COMP: variants seen among roughly 807,000 people sequenced by gnomAD.
COMP encodes the protein cartilage oligomeric matrix protein.
In COMP, 79 loss-of-function variants were observed where a neutral mutation model predicts 95.8. That is an observed-to-expected ratio of 0.82 (90% CI 0.69 to 0.99). The LOEUF is 0.99. Among genes scored for constraint, COMP ranks in the 50% least tolerant of loss-of-function variants. COMP has a pLI of 0.00. For missense variants in COMP, 906 were observed against 1,076.1 expected (o/e 0.84, Z 2.21); for synonymous variants, 438 against 433.9 (o/e 1.01, Z -0.12).
intron 10 of COMP, 41 bp from the exon 11 acceptor site, chr19:18,786,691 A>T (rs757051045): frequency 1.3e-6 from 2 of 1,491,612 alleles, no homozygotes; most frequent in East Asian, 5.0e-5. Context: ...GATTGGGACC[A>T]GGCCAGAATG....
chr19:18,786,385 C>A, intron 11 of COMP, 94 bp from the exon 12 acceptor site: 2 of 1,576,168 alleles, frequency 1.3e-6, no homozygotes, highest in Non-Finnish European at 1.7e-6. Flanking sequence ...TCCTCCTGAC[C>A]CCAAGGAAAC....
Position 18,785,112 on chromosome 19 carries a change from A to C in COMP, c.1718-20T>G, listed in dbSNP as rs764637699. ...TGTAACCTAGGGATGGAAAGAGAGCAGTGGCCTTTCCGAACGCCAGCCCCA... is the reference window on the plus strand; with the variant it reads ...TGTAACCTAGGGATGGAAAGAGAGCCGTGGCCTTTCCGAACGCCAGCCCCA... On this transcript the variant is annotated intron_variant, in intron 15 of 18. Coordinates refer to ENST00000222271, the MANE Select transcript of COMP (RefSeq NM_000095.3). 1.9e-6 allele frequency: 3 copies of C among 1,612,680 alleles called. No homozygotes were observed. The South Asian group carries it at 3.3e-5, about 18-fold the overall frequency.
At chr19:18,787,722 TCTC>T in intron 9 of COMP, 72 bp from the exon 10 acceptor site, 1 of 1,595,552 alleles carries the variant, frequency 6.3e-7, no homozygotes, top group Non-Finnish European at 8.5e-7. Context: ...GATTCCCAAA[TCTC>T]CGAGGACGCG....
intron 3 of COMP, 77 bp from the exon 4 acceptor site, chr19:18,790,191 C>T: frequency 8.4e-7 from 1 of 1,188,152 alleles, no homozygotes; most frequent in Non-Finnish European, 1.2e-6. Flanking sequence ...TGGCCACGCC[C>T]CGGGGCTGGA....
intron 1 of COMP, 116 bp downstream of exon 1, chr19:18,791,075 G>T: frequency 6.7e-7 from 1 of 1,499,194 alleles, no homozygotes; most frequent in Non-Finnish European, 9.0e-7. Flanking sequence ...TTCTGCGCCC[G>T]GCACGTCCCC....
At chr19:18,787,439 G>A (rs371522589) in intron 10 of COMP, 52 bp downstream of exon 10, 6 of 1,592,772 alleles carry the variant, frequency 3.8e-6, no homozygotes, top group Admixed American at 1.7e-5. Flanking sequence ...GCCGAATCCC[G>A]CCCTTCGGTG....
At chr19:18,787,438 C>A in intron 10 of COMP, 53 bp downstream of exon 10, 1 of 1,602,160 alleles carries the variant, frequency 6.2e-7, no homozygotes, top group East Asian at 2.2e-5. Flanking sequence ...AGCCGAATCC[C>A]GCCCTTCGGT....
At position 18,786,541 on chromosome 19, in the gene COMP, G is replaced by A; in HGVS notation, c.1245C>T (p.Asn415=). The A allele has an allele frequency of 1.9e-6, 3 of 1,613,918 alleles. No homozygotes were observed. In the South Asian group the frequency reaches 3.3e-5, roughly 18 times the overall value. Residue 415 remains asparagine, a synonymous_variant, in exon 11 of 19, where the codon AAC becomes AAT. Transcript: ENST00000222271. The stretch of plus-strand genomic sequence containing the variant: ...TCTGGCCTGCCCTCACCTGATCCGG[G>A]TTGCTCTTCTGGGGACAGTTGTCAC... The part of the protein sequence containing the change: ...DACDNCPQKS[N]PDQADVDHDF...
chr19:18,789,895 G>A lies in COMP; in HGVS notation c.390+47C>T, dbSNP rs776727933. The A allele has an allele frequency of 3.2e-6, 5 of 1,586,882 alleles. No homozygotes were observed. The highest frequency in any genetic ancestry group is 2.7e-5 in the African/African-American group (2 of 74,658). ...CTCCCGGGCGGCGAGAGATTGGGGG[G>A]CGGTAGAGGGAGTCGTCAGGGCGGT... On this transcript the variant is annotated intron_variant, in intron 4 of 18. Transcript: ENST00000222271. This position sits in a 1 kb window ranked among gnomAD's most constrained non-coding sequence, Gnocchi z 6.1.
Position 18,789,045 on chromosome 19 carries a change from C to T in COMP, c.528+115G>A. 2 of 1,534,132 alleles carry T rather than the reference C, an allele frequency of 1.3e-6. No individual in the cohort carries two copies. The highest frequency in any genetic ancestry group is 1.8e-6 in the Non-Finnish European group (2 of 1,129,942). ...AACCGATCAGCCCTGGCGCAGCGGA[C>T]CCCTCCTCTCCCCACCCCTCCCGCT... On this transcript the variant is annotated intron_variant, in intron 5 of 18. Transcript: ENST00000222271. The surrounding 1 kb of genome is among the most constrained non-coding windows in gnomAD (Gnocchi z 6.1).
In COMP at chr19:18,783,157, G is replaced by C. The variant is rs1346270459; in HGVS notation, c.2124C>G (p.Asp708Glu). The C allele has an allele frequency of 6.2e-7, 1 of 1,609,902 alleles. No homozygotes were observed. Among genetic ancestry groups the C allele is most frequent in the African/African-American group, 1.3e-5 (1 of 74,944 alleles). Residue 708 changes from aspartate (D) to glutamate (E), a missense_variant, in exon 18 of 19, where the codon GAC (aspartate) becomes GAG (glutamate). Transcript: ENST00000222271. ...RFYEGPELVA[D>E]SNVVLDTTMR... The stretch of plus-strand genomic sequence containing the variant: ...TGGTTGTGTCCAAGACCACGTTGCT[G>C]TCGGCCACCAGCTCAGGGCCCTCAT...
At position 18,784,125 on chromosome 19, in the gene COMP, C is replaced by G; in HGVS notation, c.2087+66G>C. On this transcript the variant is annotated intron_variant, in intron 17 of 18. Coordinates refer to ENST00000222271, the MANE Select transcript of COMP (RefSeq NM_000095.3). This position sits in a 1 kb window ranked among gnomAD's most constrained non-coding sequence, Gnocchi z 4.9. ...CCAGGGTCACACAGCCCCTGCCTGG[C>G]CAGGGCACTCCCACCTGGGCCTGTG... 6.4e-7 allele frequency: 1 copy of G among 1,572,344 alleles called. No individual in the cohort carries two copies. Among genetic ancestry groups the G allele is most frequent in the Non-Finnish European group, 8.7e-7 (1 of 1,144,466 alleles).
rs1253516780 is a variant in COMP at position 18,784,804 on chromosome 19, G to A, written c.1914+92C>T. The A allele has an allele frequency of 7.0e-7, 1 of 1,423,140 alleles. No homozygotes were observed. The highest frequency in any genetic ancestry group is 1.7e-5 in the Admixed American group (1 of 59,158). The allele number at this position is 1,423,140 out of a possible 1,614,324, so 88.2% of individuals were successfully genotyped here. On this transcript the variant is annotated intron_variant, in intron 16 of 18. Transcript: ENST00000222271. The surrounding 1 kb of genome is among the most constrained non-coding windows in gnomAD (Gnocchi z 4.9). ...TGAGGTCCATAGTATGAGGCTAGGG[G>A]GCTGGGGGGCTCTAAGGGCTGTAAA...
Position 18,790,035 on chromosome 19 carries a change from G to T in COMP, c.297C>A (p.Gly99=), listed in dbSNP as rs1158860072. ...CGCTCTCCGTCTGGATGCAGGCCACGCCGGGGAAGCAGAAGCCGGGCGCGC... is the reference window on the plus strand; with the variant it reads ...CGCTCTCCGTCTGGATGCAGGCCACTCCGGGGAAGCAGAAGCCGGGCGCGC... ...LHCAPGFCFP[G]VACIQTESGA... The change falls in exon 4 of 19, where the codon GGC becomes GGA. Residue 99 remains glycine, a synonymous_variant. Coordinates refer to ENST00000222271, the MANE Select transcript of COMP (RefSeq NM_000095.3). 4 of 1,572,722 alleles carry T rather than the reference G, an allele frequency of 2.5e-6. No individual in the cohort carries two copies. Among genetic ancestry groups the T allele is most frequent in the Admixed American group, 3.7e-5 (2 of 54,568 alleles).
chr19:18,790,692 C>G, intron 2 of COMP, 79 bp from the exon 3 acceptor site: 1 of 1,612,674 alleles, frequency 6.2e-7, no homozygotes, highest in Non-Finnish European at 8.5e-7. Context: ...CCCCGGGGTC[C>G]CTTTCTACAG....
chr19:18,789,567 G>A lies in COMP; in HGVS notation c.391-270C>T, dbSNP rs928923269. 6.6e-6 allele frequency among the ~76,000 whole-genome samples: 1 copy of A among 152,004 alleles called. No individual in the cohort carries two copies. The highest frequency in any genetic ancestry group is 6.6e-5 in the Admixed American group (1 of 15,262). ...CCAGCAGAGGGGGGCAGGGGTCGTC[G>A]GGGCGTGCGTGCCCGGCGGTGGCGG... is the stretch of plus-strand genomic sequence containing the variant. On this transcript the variant is annotated intron_variant, in intron 4 of 18. Coordinates refer to ENST00000222271, the MANE Select transcript of COMP (RefSeq NM_000095.3). The surrounding 1 kb of genome is among the most constrained non-coding windows in gnomAD (Gnocchi z 6.1).
rs2055176366 is a variant in COMP, at chr19:18,787,570, C to A, written c.1056G>T (p.Arg352=). ...CCTTTTGGTCGTCGTTCTTCTGGGA[C>A]CGGCAGTTGTCGCACGCATCGCCCC... ...DKWGDACDNC[R]SQKNDDQKDT... is the part of the protein sequence containing the mutation. Residue 352 remains arginine (R), a synonymous_variant, in exon 10 of 19, where the codon CGG becomes CGT. Coordinates refer to ENST00000222271, the MANE Select transcript of COMP (RefSeq NM_000095.3). The A allele has an allele frequency of 6.2e-7, 1 of 1,614,052 alleles. No individual in the cohort carries two copies. The highest frequency in any genetic ancestry group is 2.2e-5 in the East Asian group (1 of 44,872).
intron 3 of COMP, 109 bp from the exon 4 acceptor site, chr19:18,790,223 C>A: frequency 1.2e-6 from 1 of 865,028 alleles, no homozygotes; most frequent in South Asian, 1.8e-5. Flanking sequence ...CCCCCCCACC[C>A]CCCGCCCCGG....
Position 18,784,117 on chromosome 19 carries a change from C to G in COMP, c.2087+74G>C. On this transcript the variant is annotated intron_variant, in intron 17 of 18. Coordinates refer to ENST00000222271, the MANE Select transcript of COMP (RefSeq NM_000095.3). The surrounding 1 kb of genome is among the most constrained non-coding windows in gnomAD (Gnocchi z 4.9). ...TGAGGGGACCAGGGTCACACAGCCC[C>G]TGCCTGGCCAGGGCACTCCCACCTG... 6.4e-7 allele frequency: 1 copy of G among 1,552,448 alleles called. No individual in the cohort carries two copies. Among genetic ancestry groups the G allele is most frequent in the Non-Finnish European group, 8.9e-7 (1 of 1,126,624 alleles).
Sources: allele counts gnomAD v4.1 joint callset (sites outside exome capture counted in the v4.1 genomes callset), GRCh38; gene constraint gnomAD v4.1.1; non-coding constraint Gnocchi (gnomAD v3.1); transcripts MANE v1.5; gene names NCBI Gene and HGNC (gene_info 2026-07-23, HGNC 2026-07-21).